Variants in PCDH15 observed in about 807,000 individuals in gnomAD.
The protein encoded by PCDH15 is protocadherin related 15, also known as protocadherin-15.
PCDH15 carries 129 observed loss-of-function variants against 178.5 expected under a neutral mutation model. That is an observed-to-expected ratio of 0.72 (90% CI 0.63 to 0.84). PCDH15 has a LOEUF of 0.84. PCDH15 is among the 40% of genes least tolerant of loss of function. The probability of loss-of-function intolerance (pLI) is 0.00; values close to 1 mark genes in which losing one functional copy is unlikely to be tolerated. For synonymous variants in PCDH15, 800 were observed against 732.0 expected, an observed-to-expected ratio of 1.09 and a Z score of -1.50; for missense variants, 2,230 against 2,099.9, an observed-to-expected ratio of 1.06 and a Z score of -1.21.
At chr10:54,360,519 G>A (rs1397694452) in intron 5 of PCDH15, among the ~76,000 whole-genome samples, 3 of 152,182 alleles carry the variant, frequency 2.0e-5, no homozygotes, top group Non-Finnish European at 2.9e-5. Context: ...TATTATGCAT[G>A]TAGTTGGGCA....
chr10:53,924,993 C>T (rs1005080405), intron 25 of PCDH15, among the ~76,000 whole-genome samples: 1 of 152,060 alleles, frequency 6.6e-6, no homozygotes, highest in Non-Finnish European at 1.5e-5. Flanking sequence ...GACCAATCAG[C>T]TCTCTGTAAA....
intron 8 of PCDH15, among the ~76,000 whole-genome samples, chr10:54,303,126 C>T (rs1463818514): frequency 6.6e-6 from 1 of 152,082 alleles, no homozygotes; most frequent in African/African-American, 2.4e-5. Flanking sequence ...AGAATTGGTA[C>T]AGTTCTTGAC....
intron 2 of PCDH15, among the ~76,000 whole-genome samples, chr10:54,951,367 A>C (rs1384717740): frequency 6.6e-6 from 1 of 151,938 alleles, no homozygotes; most frequent in Non-Finnish European, 1.5e-5. Flanking sequence ...TTATGCATTT[A>C]GGTTTCCTCC....
At position 55,466,992 on chromosome 10, in the gene PCDH15, T is replaced by C. The variant is rs1280395511; in HGVS notation, c.-156+160633A>G. Among the ~76,000 whole-genome samples the C allele has an allele frequency of 3.9e-5, 6 of 152,326 alleles. No homozygotes were observed. The East Asian group carries it at 1.2e-3, about 29-fold the overall frequency. On this transcript the variant is annotated intron_variant, in intron 2 of 5. Coordinates refer to the PCDH15 transcript ENST00000613346. Reference sequence around the variant, plus strand: ...ATCCACTGGGAGCCTTTCAGGCTGCTCTATCTACTGGCTCTCAGGACATAT... The same window carrying C: ...ATCCACTGGGAGCCTTTCAGGCTGCCCTATCTACTGGCTCTCAGGACATAT...
At chr10:54,711,406 A>G (rs1249958423) in intron 1 of PCDH15, among the ~76,000 whole-genome samples, 1 of 151,980 alleles carries the variant, frequency 6.6e-6, no homozygotes, top group Non-Finnish European at 1.5e-5. Flanking sequence ...ACACTTGAAA[A>G]TAAGAGGACT....
intron 3 of PCDH15, among the ~76,000 whole-genome samples, chr10:54,878,281 A>G (rs576526671): frequency 6.6e-6 from 1 of 152,250 alleles, no homozygotes; most frequent in South Asian, 2.1e-4. Context: ...TCTCTTAAAG[A>G]TCTAGCAATC....
chr10:55,052,109 A>G (rs1841177898), intron 2 of PCDH15, among the ~76,000 whole-genome samples: 1 of 149,384 alleles, frequency 6.7e-6, no homozygotes. Context: ...TTTTTTTGAG[A>G]CAGACTCTCG....
At chr10:54,997,893 G>A (rs1839685738) in intron 2 of PCDH15, among the ~76,000 whole-genome samples, 2 of 152,084 alleles carry the variant, frequency 1.3e-5, no homozygotes, top group South Asian at 4.1e-4. Context: ...CTCCTTTGAT[G>A]TCTGGGTCAT....
chr10:54,919,506 C>T (rs1299835261), intron 2 of PCDH15, among the ~76,000 whole-genome samples: 2 of 152,112 alleles, frequency 1.3e-5, no homozygotes, highest in Non-Finnish European at 1.5e-5. Context: ...AATATAAAGC[C>T]ACACATATAA....
At chr10:54,493,518 TG>T (rs1208598094) in intron 3 of PCDH15, among the ~76,000 whole-genome samples, 3 of 152,024 alleles carry the variant, frequency 2.0e-5, no homozygotes, top group Middle Eastern at 3.4e-3. Flanking sequence ...AACTTTAAAG[TG>T]TATGTTTGGA....
rs115767800 is a variant in PCDH15, at chr10:54,531,959, T to C, written c.92-4082A>G. On this transcript the variant is annotated intron_variant, in intron 2 of 37. Transcript: ENST00000644397. The stretch of plus-strand genomic sequence containing the variant: ...AAGTCAGAAACCAGGAAGTCACATT[T>C]CATTTTACCCATGTTTCTAGCTTTC... 4.7e-3 allele frequency among the ~76,000 whole-genome samples: 710 copies of C among 152,304 alleles called. 2 individuals are homozygous for C. The highest frequency in any genetic ancestry group is 0.016 in the African/African-American group (656 of 41,574).
intron 2 of PCDH15, among the ~76,000 whole-genome samples, chr10:54,929,284 G>A (rs546770556): frequency 5.1e-4 from 77 of 152,208 alleles, no homozygotes; most frequent in Middle Eastern, 6.8e-3. Flanking sequence ...CTCAATGTAA[G>A]GAGTCCACTG....
intron 37 of PCDH15, 95 bp from the exon 38 acceptor site, chr10:53,807,225 A>T: frequency 2.0e-6 from 2 of 1,021,708 alleles, no homozygotes; most frequent in Non-Finnish European, 2.8e-6. Flanking sequence ...TGACATTTAG[A>T]AAGCTGTCAA....
At chr10:55,177,933 T>C (rs7899074) in intron 1 of PCDH15, among the ~76,000 whole-genome samples, 15,260 of 152,180 alleles carry the variant, frequency 0.1, 800 homozygotes, top group East Asian at 0.12. Flanking sequence ...AATGACACTA[T>C]TGAGAGCACA....
intron 2 of PCDH15, among the ~76,000 whole-genome samples, chr10:54,644,884 TCTG>T (rs1366654315): frequency 6.6e-6 from 1 of 152,114 alleles, no homozygotes; most frequent in African/African-American, 2.4e-5. Flanking sequence ...CTTTTGCCCT[TCTG>T]CTATGTGAGA....
intron 2 of PCDH15, among the ~76,000 whole-genome samples, chr10:55,597,480 A>G (rs1278200165): frequency 6.6e-6 from 1 of 152,110 alleles, no homozygotes; most frequent in Non-Finnish European, 1.5e-5. Context: ...GAACACTCCA[A>G]CACTAGCCCC....
chr10:53,808,917 G>A (rs934181002), intron 37 of PCDH15: 4 of 1,573,044 alleles, frequency 2.5e-6, no homozygotes, highest in East Asian at 2.3e-5. Context: ...GAGCTTCAGG[G>A]TCTGTACTTT....
chr10:55,162,190 A>G (rs1040154326), intron 2 of PCDH15, among the ~76,000 whole-genome samples: 2 of 152,168 alleles, frequency 1.3e-5, no homozygotes, highest in African/African-American at 4.8e-5. Flanking sequence ...TCACACAGTT[A>G]TAAGTTCCGT....
chr10:55,613,579 T>A (rs1242004484), intron 2 of PCDH15, among the ~76,000 whole-genome samples: 1 of 152,216 alleles, frequency 6.6e-6, no homozygotes, highest in Non-Finnish European at 1.5e-5. Context: ...CACATAAGGA[T>A]AATCATTTGT....
Sources: allele counts gnomAD v4.1 joint callset (sites outside exome capture counted in the v4.1 genomes callset), GRCh38; gene constraint gnomAD v4.1.1; transcripts MANE v1.5; gene names NCBI Gene and HGNC (gene_info 2026-07-23, HGNC 2026-07-21).